DIP2B: variants seen among roughly 807,000 people sequenced by gnomAD.
DIP2B encodes the protein DIP2 acetate--CoA ligase B (putative), also known as disco-interacting protein 2 homolog B.
DIP2B carries 76 observed loss-of-function variants against 198.0 expected under a neutral mutation model. The ratio of observed to expected loss-of-function variants is 0.38; its 90% CI spans 0.32 to 0.46. The LOEUF is 0.46. DIP2B is among the 20% of genes least tolerant of loss of function. The pLI, the probability that DIP2B is intolerant of heterozygous loss-of-function variation, is 0.99. For missense variants in DIP2B, 1,559 were observed against 1,978.4 expected, an observed-to-expected ratio of 0.79 and a Z score of 4.02; for synonymous variants, 701 against 739.1, an observed-to-expected ratio of 0.95 and a Z score of 0.84.
intron 1 of DIP2B, among the ~76,000 whole-genome samples, chr12:50,535,573 A>G (rs1455527186): frequency 6.6e-6 from 1 of 151,334 alleles, no homozygotes; most frequent in Non-Finnish European, 1.5e-5. Context: ...GTTTCACCAT[A>G]TTGGCCAGGC....
At position 50,558,090 on chromosome 12, in the gene DIP2B, C is replaced by T. The variant is rs531701030; in HGVS notation, c.100+52850C>T. 8.8e-4 allele frequency among the ~76,000 whole-genome samples: 9 copies of T among 10,256 alleles called. No individual in the cohort carries two copies. The East Asian group carries it at 0.25, about 285-fold the overall frequency. 6.7% of individuals were successfully genotyped at this position (10,256 alleles called of 152,430 possible). ...TATAAATTATCACGTTTCAGCTGAG[C>T]GCGGTAGCGTCCTAAGCCTGTAATT... is the stretch of plus-strand genomic sequence containing the variant. On this transcript the variant is annotated intron_variant, in intron 1 of 37. Transcript: ENST00000301180.
At chr12:50,630,663 CTTTTT>C (rs11327858) in intron 2 of DIP2B, among the ~76,000 whole-genome samples, 5 of 74,568 alleles carry the variant, frequency 6.7e-5, no homozygotes, top group Non-Finnish European at 1.3e-4. Context: ...TCTTTCTTTT[CTTTTT>C]TTTTTTTTTT....
chr12:50,636,756 A>G (rs1380312480), intron 2 of DIP2B, among the ~76,000 whole-genome samples: 1 of 152,232 alleles, frequency 6.6e-6, no homozygotes, highest in East Asian at 1.9e-4. Flanking sequence ...CTCCCGGAGC[A>G]GAGCTCCTGG....
intron 26 of DIP2B, among the ~76,000 whole-genome samples, chr12:50,722,068 A>G (rs1411138074): frequency 1.3e-5 from 2 of 152,030 alleles, no homozygotes; most frequent in Non-Finnish European, 2.9e-5. Flanking sequence ...CCTCATCTTC[A>G]TAGTAAGAGG....
At chr12:50,665,605 A>G (rs980700017) in intron 4 of DIP2B, among the ~76,000 whole-genome samples, 16 of 151,976 alleles carry the variant, frequency 1.1e-4, no homozygotes, top group Non-Finnish European at 2.1e-4. Flanking sequence ...TAATTCCTTC[A>G]TAGTGCTAAA....
chr12:50,591,648 C>T (rs2139429944), intron 1 of DIP2B, among the ~76,000 whole-genome samples: 1 of 150,160 alleles, frequency 6.7e-6, no homozygotes, highest in Non-Finnish European at 1.5e-5. Context: ...TTAATAGAAA[C>T]ATGGTTTTGC....
intron 1 of DIP2B, among the ~76,000 whole-genome samples, chr12:50,615,016 T>C (rs1217316183): frequency 4.6e-5 from 7 of 152,206 alleles, no homozygotes; most frequent in African/African-American, 1.7e-4. Flanking sequence ...ATCTAGACTA[T>C]TGATAAAGAA....
chr12:50,663,143 G>C (rs1388654906), intron 4 of DIP2B, among the ~76,000 whole-genome samples: 5 of 150,798 alleles, frequency 3.3e-5, no homozygotes, highest in African/African-American at 1.2e-4. Flanking sequence ...GAACAGTTGT[G>C]GTGCCGGGCG....
chr12:50,704,916 C>T (rs966828015), intron 20 of DIP2B, among the ~76,000 whole-genome samples: 6 of 151,944 alleles, frequency 3.9e-5, no homozygotes, highest in African/African-American at 1.5e-4. Flanking sequence ...CCACTATGCT[C>T]CAGCCTGGGC....
At chr12:50,690,907 C>T in intron 12 of DIP2B, 142 bp from the exon 13 acceptor site, 2 of 639,908 alleles carry the variant, frequency 3.1e-6, no homozygotes, top group East Asian at 2.9e-5. Flanking sequence ...GACCCTAGTA[C>T]ATTGCCTTAA....
At chr12:50,566,732 G>A (rs934644802) in intron 1 of DIP2B, among the ~76,000 whole-genome samples, 1 of 152,060 alleles carries the variant, frequency 6.6e-6, no homozygotes, top group African/African-American at 2.4e-5. Flanking sequence ...CACTTTGGGA[G>A]GCTGAGATGG....
intron 1 of DIP2B, among the ~76,000 whole-genome samples, chr12:50,506,198 CA>C: frequency 6.6e-6 from 1 of 152,060 alleles, no homozygotes; most frequent in East Asian, 1.9e-4. Flanking sequence ...GCCCCTGAGA[CA>C]AAAGCAGCAT....
At chr12:50,702,451 A>G (rs921088596) in intron 19 of DIP2B, among the ~76,000 whole-genome samples, 1 of 151,916 alleles carries the variant, frequency 6.6e-6, no homozygotes, top group Non-Finnish European at 1.5e-5. Context: ...AATCCCAGCT[A>G]CTCAGGAGGC....
Position 50,640,890 on chromosome 12 carries a change from T to C in DIP2B, c.301+38T>C, listed in dbSNP as rs1003141539. ...TGCAGAATGGCCAGCTGAATCGTTT[T>C]CCTAACAGTAGTATGAACTGTGTAT... On this transcript the variant is annotated intron_variant, in intron 3 of 37. Transcript: ENST00000301180. 20 of 1,601,764 alleles carry C rather than the reference T, an allele frequency of 1.2e-5. 1 individual carries two copies. In the Admixed American group the frequency reaches 1.7e-4, roughly 14 times the overall value.
intron 18 of DIP2B, among the ~76,000 whole-genome samples, 181 bp downstream of exon 18, chr12:50,698,648 T>C (rs1365567027): frequency 6.6e-6 from 1 of 152,246 alleles, no homozygotes; most frequent in Non-Finnish European, 1.5e-5. Context: ...AGCAGTATTG[T>C]ATGACTTACC....
At chr12:50,611,896 A>T (rs1959035317) in intron 1 of DIP2B, among the ~76,000 whole-genome samples, 1 of 152,138 alleles carries the variant, frequency 6.6e-6, no homozygotes, top group African/African-American at 2.4e-5. Context: ...GGTGCAAAGT[A>T]AGAAAAGAAA....
At chr12:50,587,877 A>T (rs748059674) in intron 1 of DIP2B, among the ~76,000 whole-genome samples, 21 of 152,248 alleles carry the variant, frequency 1.4e-4, no homozygotes, top group Non-Finnish European at 2.4e-4. Flanking sequence ...CCCAGAGAAT[A>T]AAAGGACAAA....
chr12:50,575,906 C>A (rs1402151860), intron 1 of DIP2B, among the ~76,000 whole-genome samples: 3 of 151,382 alleles, frequency 2.0e-5, no homozygotes, highest in Non-Finnish European at 2.9e-5. Flanking sequence ...TATAGGCACA[C>A]ACCACCACAC....
At chr12:50,539,479 G>A (rs1183805355) in intron 1 of DIP2B, among the ~76,000 whole-genome samples, 5 of 151,922 alleles carry the variant, frequency 3.3e-5, no homozygotes, top group Non-Finnish European at 5.9e-5. Flanking sequence ...TTAGCTGAGC[G>A]TAGTGGCAGG....
Sources: allele counts gnomAD v4.1 joint callset (sites outside exome capture counted in the v4.1 genomes callset), GRCh38; gene constraint gnomAD v4.1.1; transcripts MANE v1.5; gene names NCBI Gene and HGNC (gene_info 2026-07-23, HGNC 2026-07-21).